SPTBN1: variants seen among roughly 807,000 people sequenced by gnomAD.
The protein encoded by SPTBN1 is spectrin beta chain, non-erythrocytic 1.
SPTBN1 carries 32 observed loss-of-function variants against 266.4 expected under a neutral mutation model. The observed-to-expected ratio is 0.12, with a 90% CI of 0.09 to 0.16. SPTBN1 has a LOEUF of 0.16. Among genes scored for constraint, SPTBN1 ranks in the 10% least tolerant of loss-of-function variants. The pLI, the probability that SPTBN1 is intolerant of heterozygous loss-of-function variation, is 1.00. For missense variants in SPTBN1, 2,296 were observed against 3,067.1 expected (o/e 0.75, Z 5.94); for synonymous variants, 1,336 against 1,162.2 (o/e 1.15, Z -3.04).
In SPTBN1 at chr2:54,618,018, A is replaced by C. The variant is rs146174432; in HGVS notation, c.648-60A>C. The C allele has an allele frequency of 2.5e-4, 332 of 1,329,362 alleles. 4 individuals carry two copies. The African/African-American group carries it at 4.3e-3, about 17-fold the overall frequency. 82.3% of individuals were successfully genotyped at this position (1,329,362 alleles called of 1,614,324 possible). On this transcript the variant is annotated intron_variant, in intron 6 of 35. Transcript: ENST00000356805. The stretch of plus-strand genomic sequence containing the variant: ...CTTTTTGGAGTAACAGTCATGTTTC[A>C]TTAGTCATATTTCTTTTCAAGCCAT...
At chr2:54,457,119 G>T (rs1693084158) in intron 1 of SPTBN1, 2 of 118,426 alleles carry the variant, frequency 1.7e-5, no homozygotes, top group African/African-American at 6.8e-5. Context: ...CCCCACCTCC[G>T]CCCCATCCCT....
intron 1 of SPTBN1, among the ~76,000 whole-genome samples, chr2:54,481,318 A>G (rs942675388): frequency 5.3e-5 from 8 of 151,744 alleles, no homozygotes; most frequent in Admixed American, 3.9e-4. Flanking sequence ...GAACTCTATC[A>G]GCAGTCAACC....
At chr2:54,561,777 A>G (rs1221663744) in intron 2 of SPTBN1, among the ~76,000 whole-genome samples, 2 of 149,132 alleles carry the variant, frequency 1.3e-5, no homozygotes, top group Non-Finnish European at 3.0e-5. Context: ...ATATAGTTTA[A>G]AATAAAAATA....
chr2:54,596,475 G>C (rs370870137), intron 2 of SPTBN1, among the ~76,000 whole-genome samples: 4 of 152,080 alleles, frequency 2.6e-5, no homozygotes, highest in Non-Finnish European at 5.9e-5. Flanking sequence ...CCTGCCCCTC[G>C]TGTGTTATGA....
At chr2:54,573,677 T>G (rs927883837) in intron 2 of SPTBN1, among the ~76,000 whole-genome samples, 2 of 152,238 alleles carry the variant, frequency 1.3e-5, no homozygotes, top group Non-Finnish European at 2.9e-5. Flanking sequence ...CCTTTTGGAC[T>G]ACTAGGAGAC....
At chr2:54,576,419 G>C (rs1674481795) in intron 2 of SPTBN1, among the ~76,000 whole-genome samples, 1 of 152,100 alleles carries the variant, frequency 6.6e-6, no homozygotes, top group Admixed American at 6.5e-5. Context: ...GTTGATGTCA[G>C]GTATGTGTAG....
intron 2 of SPTBN1, among the ~76,000 whole-genome samples, chr2:54,529,131 C>T (rs1671032898): frequency 1.3e-5 from 2 of 152,136 alleles, no homozygotes; most frequent in East Asian, 3.9e-4. Context: ...TTCAGTAGGC[C>T]TTGAGTGGGG....
intron 1 of SPTBN1, among the ~76,000 whole-genome samples, chr2:54,458,201 C>T (rs909749893): frequency 6.6e-6 from 1 of 152,184 alleles, no homozygotes; most frequent in Non-Finnish European, 1.5e-5. Context: ...CTGTAGGAAA[C>T]CATTTTTAAA....
chr2:54,503,231 G>A (rs997138839), intron 1 of SPTBN1, among the ~76,000 whole-genome samples: 2 of 152,166 alleles, frequency 1.3e-5, no homozygotes, highest in African/African-American at 4.8e-5. Flanking sequence ...TGCATGCTCC[G>A]CATGGAGATA....
At chr2:54,648,909 C>T (rs891486526) in intron 24 of SPTBN1, 77 bp from the exon 25 acceptor site, 1 of 1,318,238 alleles carries the variant, frequency 7.6e-7, no homozygotes, top group African/African-American at 1.5e-5. Flanking sequence ...CCATTATCTC[C>T]ACCTCATTTG....
chr2:54,523,293 G>C (rs1333194099), intron 1 of SPTBN1, among the ~76,000 whole-genome samples: 1 of 152,188 alleles, frequency 6.6e-6, no homozygotes, highest in Non-Finnish European at 1.5e-5. Context: ...ACCCGTGAAT[G>C]TACTTAATTG....
At chr2:54,612,475 C>T in intron 4 of SPTBN1, 141 bp downstream of exon 4, 4 of 982,956 alleles carry the variant, frequency 4.1e-6, no homozygotes, top group East Asian at 2.8e-5. Context: ...GTGTCATATC[C>T]AGCCCTCAGA....
chr2:54,483,452 C>G (rs1173657827), intron 1 of SPTBN1, among the ~76,000 whole-genome samples: 3 of 152,220 alleles, frequency 2.0e-5, no homozygotes, highest in African/African-American at 7.2e-5. Flanking sequence ...CTTCCCTCAG[C>G]AGGACCTTTT....
intron 1 of SPTBN1, among the ~76,000 whole-genome samples, chr2:54,467,551 A>G (rs1693701401): frequency 1.3e-5 from 2 of 151,906 alleles, no homozygotes; most frequent in African/African-American, 2.4e-5. Flanking sequence ...ATGCCCAGCT[A>G]ATTTTTGTAT....
At chr2:54,592,030 G>A (rs191433805) in intron 2 of SPTBN1, among the ~76,000 whole-genome samples, 18 of 152,256 alleles carry the variant, frequency 1.2e-4, no homozygotes, top group African/African-American at 4.3e-4. Context: ...AGCCAGGTGT[G>A]ATGGTGCATG....
rs375086056 is a variant in SPTBN1, at chr2:54,572,173, GAA to G, written c.149-26917_149-26916del. ...CGGTACTAAGGTACTTAGGGAGACA[GAA>G]ACAGTTCCCCTAGAAATTAGACATC... On this transcript the variant is annotated intron_variant, in intron 2 of 35. Coordinates refer to ENST00000356805, the MANE Select transcript of SPTBN1 (RefSeq NM_003128.3). Among the ~76,000 whole-genome samples, 1,414 of 152,248 alleles carry G rather than the reference GAA, an allele frequency of 9.3e-3. 30 individuals are homozygous for G. Among genetic ancestry groups the G allele is most frequent in the African/African-American group, 0.032 (1,343 of 41,524 alleles).
chr2:54,517,754 T>A (rs181172635), intron 1 of SPTBN1, among the ~76,000 whole-genome samples: 9 of 152,080 alleles, frequency 5.9e-5, no homozygotes, highest in Admixed American at 3.9e-4. Flanking sequence ...CAAGCAATTC[T>A]GCTGTCTCAG....
chr2:54,468,671 T>G (rs1271746241), intron 1 of SPTBN1, among the ~76,000 whole-genome samples: 2 of 152,208 alleles, frequency 1.3e-5, no homozygotes, highest in Non-Finnish European at 2.9e-5. Context: ...ATTCAAAAAT[T>G]TGTTTATTAT....
chr2:54,579,244 T>C (rs1033262871), intron 2 of SPTBN1, among the ~76,000 whole-genome samples: 2 of 152,120 alleles, frequency 1.3e-5, no homozygotes, highest in Non-Finnish European at 2.9e-5. Flanking sequence ...TGACGGCACA[T>C]AGAATGAAGT....
Sources: allele counts gnomAD v4.1 joint callset (sites outside exome capture counted in the v4.1 genomes callset), GRCh38; gene constraint gnomAD v4.1.1; transcripts MANE v1.5; gene names NCBI Gene and HGNC (gene_info 2026-07-23, HGNC 2026-07-21).